FAXC: variants seen among roughly 807,000 people sequenced by gnomAD.
The protein encoded by FAXC is failed axon connections homolog, metaxin like GST domain containing.
A neutral mutation model predicts 41.9 loss-of-function variants in FAXC; 10 were observed. That is an observed-to-expected ratio of 0.24 (90% CI 0.15 to 0.41). The LOEUF (loss-of-function observed/expected upper bound fraction) is 0.41. FAXC is among the 10% of genes least tolerant of loss of function. The pLI is 1.00. For missense variants in FAXC, 399 were observed against 510.9 expected (o/e 0.78, Z 2.11); for synonymous variants, 183 against 183.8 (o/e 1.00, Z 0.03).
chr6:99,329,867 C>T (rs903316485), intron 3 of FAXC, among the ~76,000 whole-genome samples: 5 of 149,478 alleles, frequency 3.3e-5, no homozygotes, highest in African/African-American at 7.4e-5. Context: ...TGTGTGCACG[C>T]GTGCACACAT....
At chr6:99,333,604 C>T in intron 2 of FAXC, 57 bp from the exon 3 acceptor site, 1 of 1,383,996 alleles carries the variant, frequency 7.2e-7, no homozygotes, top group Non-Finnish European at 9.9e-7. Flanking sequence ...AATTCCACTG[C>T]ATGATTAATA....
At chr6:99,285,730 A>G (rs1771006884) in intron 5 of FAXC, among the ~76,000 whole-genome samples, 1 of 152,248 alleles carries the variant, frequency 6.6e-6, no homozygotes, top group African/African-American at 2.4e-5. Context: ...GAGGATATTT[A>G]TCAGAAAGCC....
intron 4 of FAXC, among the ~76,000 whole-genome samples, chr6:99,292,991 G>C (rs1298718543): frequency 6.6e-6 from 1 of 152,146 alleles, no homozygotes; most frequent in African/African-American, 2.4e-5. Context: ...ATTTTTAGTA[G>C]AGACAGGGTT....
chr6:99,344,089 G>C (rs897196726), intron 1 of FAXC, among the ~76,000 whole-genome samples: 2 of 152,176 alleles, frequency 1.3e-5, no homozygotes, highest in African/African-American at 2.4e-5. Context: ...CGTTAGCCTA[G>C]ATCTCTCCAC....
intron 1 of FAXC, among the ~76,000 whole-genome samples, chr6:99,345,783 T>C (rs1773569749): frequency 6.6e-6 from 1 of 152,240 alleles, no homozygotes; most frequent in Non-Finnish European, 1.5e-5. Context: ...AGTTAGTACT[T>C]AGTCATTCAA....
chr6:99,333,263 T>A, intron 3 of FAXC, 88 bp downstream of exon 3: 1 of 1,151,738 alleles, frequency 8.7e-7, no homozygotes, highest in Non-Finnish European at 1.2e-6. Context: ...GGTAGAAAAC[T>A]GCTGAAACGG....
intron 5 of FAXC, 89 bp from the exon 6 acceptor site, chr6:99,281,542 T>C: frequency 9.6e-7 from 1 of 1,042,822 alleles, no homozygotes; most frequent in South Asian, 1.5e-5. Flanking sequence ...ACTCCAATGT[T>C]GAAATCCTGA....
rs537206071 is a variant in FAXC at position 99,276,486 on chromosome 6, A to G, written c.*4678T>C. The stretch of plus-strand genomic sequence containing the variant: ...ATGACAAGGACAACAACAAAATCCT[A>G]TGACTTTCAAAATTCCAAACCTCTA... On this transcript the variant is annotated 3_prime_UTR_variant, in exon 6 of 6. Coordinates refer to ENST00000389677, the MANE Select transcript of FAXC (RefSeq NM_032511.4). The G allele has an allele frequency of 3.9e-5, 6 of 152,344 alleles. No individual in the cohort carries two copies. The East Asian group carries it at 1.2e-3, about 29-fold the overall frequency. The allele number at this position is 152,344 out of a possible 1,614,324, so 9.4% of individuals were successfully genotyped here.
chr6:99,347,023 A>C (rs571075809), intron 1 of FAXC, among the ~76,000 whole-genome samples: 1 of 152,234 alleles, frequency 6.6e-6, no homozygotes, highest in East Asian at 1.9e-4. Context: ...ACACTTTGGG[A>C]GGCCAAGGAG....
intron 2 of FAXC, chr6:99,334,646 C>A: frequency 1.0e-6 from 1 of 966,132 alleles, no homozygotes; most frequent in Non-Finnish European, 1.2e-6. Context: ...TGATGCCATC[C>A]ATATCCTCTT....
rs554208845 is a variant in FAXC, at chr6:99,344,857, C to T, written c.267-1824G>A. On this transcript the variant is annotated intron_variant, in intron 1 of 5. Coordinates refer to ENST00000389677, the MANE Select transcript of FAXC (RefSeq NM_032511.4). ...AACAAAAAATCCCTGCTCCATCAGC[C>T]AGAACGATCTAATTCTAATTGTTAA... Among the ~76,000 whole-genome samples the T allele has an allele frequency of 4.6e-5, 7 of 152,100 alleles. No homozygotes were observed. The South Asian group carries it at 6.2e-4, about 14-fold the overall frequency.
At chr6:99,290,567 T>C (rs1273310405) in intron 5 of FAXC, among the ~76,000 whole-genome samples, 3 of 151,548 alleles carry the variant, frequency 2.0e-5, no homozygotes, top group African/African-American at 7.3e-5. Context: ...CCGGGCATGG[T>C]GTTGCACTCC....
chr6:99,281,087 G>A lies in FAXC; in HGVS notation c.*77C>T, dbSNP rs1582608580. ...AGCACGAAGATCTCCTCCCAGCTCG[G>A]ATGGATTGCTACCTGGGAAAATGGA... On this transcript the variant is annotated 3_prime_UTR_variant, in exon 6 of 6. Transcript: ENST00000389677. 2 of 750,406 alleles carry A rather than the reference G, an allele frequency of 2.7e-6. No homozygotes were observed. The highest frequency in any genetic ancestry group is 5.3e-4 in the Middle Eastern group (2 of 3,808). The allele number at this position is 750,406 out of a possible 1,614,324, so 46.5% of individuals were successfully genotyped here.
chr6:99,323,453 C>T lies in FAXC; in HGVS notation c.814G>A (p.Gly272Arg). 6.2e-7 allele frequency: 1 copy of T among 1,614,086 alleles called. No homozygotes were observed. The highest frequency in any genetic ancestry group is 1.7e-5 in the Admixed American group (1 of 60,030). ...AGGTGTGGTACATTACCCAAAAGCCCTGCTAAAGACCGCATGTCCTTCTCC... is the reference window on the plus strand; with the variant it reads ...AGGTGTGGTACATTACCCAAAAGCCTTGCTAAAGACCGCATGTCCTTCTCC... ...LMEKDMRSLA[G>R]LLGDKKYIMG... Residue 272 changes from glycine (G) to arginine (R), a missense_variant, in exon 4 of 6, where the codon GGG (glycine) becomes AGG (arginine). Physicochemically the swap from Gly to Arg is moderately radical, Grantham distance 125 (BLOSUM62 -2). This residue lies in a region of FAXC where 239 missense variants were observed against 352.7 expected (regional missense o/e 0.68). Coordinates refer to ENST00000389677, the MANE Select transcript of FAXC (RefSeq NM_032511.4).
intron 4 of FAXC, among the ~76,000 whole-genome samples, chr6:99,311,383 T>C (rs1772148217): frequency 6.6e-6 from 1 of 152,164 alleles, no homozygotes; most frequent in Non-Finnish European, 1.5e-5. Flanking sequence ...GAGACCAGCC[T>C]GGCCAAGATG....
Position 99,276,122 on chromosome 6 carries a change from G to A in FAXC, c.*5042C>T, listed in dbSNP as rs1279522428. On this transcript the variant is annotated 3_prime_UTR_variant, in exon 6 of 6. Coordinates refer to ENST00000389677, the MANE Select transcript of FAXC (RefSeq NM_032511.4). ...ACAAAGGATCCTGGGTCATAGTCAG[G>A]AACAATAAAATAACATACTCTGTTT... The A allele has an allele frequency of 6.7e-6, 1 of 148,330 alleles. No individual in the cohort carries two copies. Among genetic ancestry groups the A allele is most frequent in the African/African-American group, 2.5e-5 (1 of 39,952 alleles). 9.2% of individuals were successfully genotyped at this position (148,330 alleles called of 1,614,324 possible).
chr6:99,349,497 G>C lies in FAXC; in HGVS notation c.-125C>G. ...GCGGGCGGCGCGGGCGGCGGCGACT[G>C]AGGAGGCGGCGGCGACTGAGGAGGC... On this transcript the variant is annotated 5_prime_UTR_variant, in exon 1 of 6. Coordinates refer to ENST00000389677, the MANE Select transcript of FAXC (RefSeq NM_032511.4). The C allele has an allele frequency of 1.5e-6, 1 of 671,710 alleles. No homozygotes were observed. Among genetic ancestry groups the C allele is most frequent in the Non-Finnish European group, 1.8e-6 (1 of 545,420 alleles). 41.6% of individuals were successfully genotyped at this position (671,710 alleles called of 1,614,324 possible). A position where few individuals can be genotyped will look rare whatever the true frequency, so the allele number is the denominator to read the frequency against.
chr6:99,281,500 T>C, intron 5 of FAXC, 47 bp from the exon 6 acceptor site: 2 of 1,407,824 alleles, frequency 1.4e-6, no homozygotes, highest in Non-Finnish European at 2.0e-6. Context: ...AAGGCAGCAG[T>C]CTACCACTTC....
intron 4 of FAXC, among the ~76,000 whole-genome samples, chr6:99,322,853 G>A (rs909533791): frequency 6.6e-6 from 1 of 152,138 alleles, no homozygotes; most frequent in African/African-American, 2.4e-5. Context: ...TTCTCTTTTA[G>A]TGGTTTCCCA....
Sources: gnomAD v4.1 joint callset for allele counts (sites outside exome capture counted in the v4.1 genomes callset) on GRCh38, gnomAD v4.1.1 for gene constraint, gnomAD v4.1.1 regional missense constraint, MANE v1.5 for transcripts, NCBI Gene and HGNC (gene_info 2026-07-23, HGNC 2026-07-21) for gene names.